DCC: variants seen among roughly 807,000 people sequenced by gnomAD.
The protein encoded by DCC is DCC netrin 1 receptor, also known as netrin receptor DCC.
DCC carries 58 observed loss-of-function variants against 172.5 expected under a neutral mutation model. The observed-to-expected ratio is 0.34, with a 90% CI of 0.27 to 0.42. The LOEUF is 0.42. DCC is among the 10% of genes least tolerant of loss of function. The pLI is 1.00. For missense variants in DCC, 1,740 were observed against 1,791.0 expected (o/e 0.97, Z 0.51); for synonymous variants, 709 against 644.5 (o/e 1.10, Z -1.52).
intron 1 of DCC, among the ~76,000 whole-genome samples, chr18:52,734,530 A>T (rs1437030746): frequency 6.6e-6 from 1 of 152,132 alleles, no homozygotes; most frequent in Non-Finnish European, 1.5e-5. Context: ...AGGAGATGTT[A>T]TCTTGTATCC....
At chr18:52,673,939 A>C (rs1031472305) in intron 1 of DCC, among the ~76,000 whole-genome samples, 19 of 152,166 alleles carry the variant, frequency 1.2e-4, no homozygotes, top group Admixed American at 3.9e-4. Flanking sequence ...CTACAATAGC[A>C]ATGGGTAGGC....
chr18:52,846,772 A>C lies in DCC; in HGVS notation c.413-59272A>C, dbSNP rs549594006. On this transcript the variant is annotated intron_variant, in intron 2 of 28. Coordinates refer to ENST00000442544, the MANE Select transcript of DCC (RefSeq NM_005215.4). ...GGAGAATGTTGATGACTGAGCTTCA[A>C]CTGGAAAAAGTAGTGGTGGAGAAAG... is the stretch of plus-strand genomic sequence containing the variant. 1.3e-5 allele frequency among the ~76,000 whole-genome samples: 2 copies of C among 152,246 alleles called. 1 individual carries two copies.
intron 7 of DCC, among the ~76,000 whole-genome samples, chr18:53,123,596 ATG>A (rs1315573233): frequency 6.6e-6 from 1 of 151,994 alleles, no homozygotes; most frequent in Admixed American, 6.6e-5. Context: ...CCTAGTTGTA[ATG>A]TGTTTTTAAG....
At chr18:52,631,307 A>T (rs953609116) in intron 1 of DCC, among the ~76,000 whole-genome samples, 1 of 152,240 alleles carries the variant, frequency 6.6e-6, no homozygotes, top group African/African-American at 2.4e-5. Flanking sequence ...GAAAGAAAAA[A>T]AAATAAAAAA....
Position 52,855,508 on chromosome 18 carries a change from CAT to C in DCC, c.413-50534_413-50533del, listed in dbSNP as rs1277837979. On this transcript the variant is annotated intron_variant, in intron 2 of 28. Coordinates refer to ENST00000442544, the MANE Select transcript of DCC (RefSeq NM_005215.4). Reference sequence around the variant, plus strand: ...CGTGATGTGGTACAAAGACTACACACATACTTTGGAAACAATAGTTGCAAGTT... The same window carrying C: ...CGTGATGTGGTACAAAGACTACACACACTTTGGAAACAATAGTTGCAAGTT... 9.2e-5 allele frequency among the ~76,000 whole-genome samples: 14 copies of C among 152,306 alleles called. 1 individual carries two copies. The South Asian group carries it at 2.9e-3, about 32-fold the overall frequency.
At chr18:53,025,344 G>A (rs939023514) in intron 5 of DCC, among the ~76,000 whole-genome samples, 1 of 152,112 alleles carries the variant, frequency 6.6e-6, no homozygotes, top group African/African-American at 2.4e-5. Flanking sequence ...GTAGGTTAAC[G>A]GGGTAGATTT....
chr18:52,508,631 T>A (rs1473479934), intron 1 of DCC, among the ~76,000 whole-genome samples: 1 of 152,198 alleles, frequency 6.6e-6, no homozygotes, highest in East Asian at 1.9e-4. Flanking sequence ...CAGGAAGTGT[T>A]CAGATTTAGA....
intron 1 of DCC, among the ~76,000 whole-genome samples, chr18:52,495,280 G>C (rs565404057): frequency 1.6e-4 from 25 of 152,200 alleles, no homozygotes; most frequent in African/African-American, 6.0e-4. Context: ...CCTCTTTTAA[G>C]TGGGATCCTG....
intron 12 of DCC, among the ~76,000 whole-genome samples, chr18:53,226,081 C>A (rs760721812): frequency 6.6e-6 from 1 of 152,130 alleles, no homozygotes; most frequent in Non-Finnish European, 1.5e-5. Flanking sequence ...AGATAATATG[C>A]CCCAGTGTCA....
intron 5 of DCC, among the ~76,000 whole-genome samples, chr18:52,937,527 G>A (rs2040398214): frequency 6.6e-6 from 1 of 151,998 alleles, no homozygotes; most frequent in Non-Finnish European, 1.5e-5. Flanking sequence ...GACTTTATTT[G>A]GTGAGACAAG....
At chr18:52,542,484 T>C (rs2032488078) in intron 1 of DCC, among the ~76,000 whole-genome samples, 2 of 152,072 alleles carry the variant, frequency 1.3e-5, no homozygotes, top group South Asian at 4.1e-4. Flanking sequence ...CCATCAAACA[T>C]TGTAATGAAT....
chr18:53,312,152 A>C (rs12605991), intron 13 of DCC, among the ~76,000 whole-genome samples: 1 of 88,534 alleles, frequency 1.1e-5, no homozygotes, highest in Non-Finnish European at 2.1e-5. Context: ...TGCTAAAAAT[A>C]CAAAAAAAAA....
intron 20 of DCC, among the ~76,000 whole-genome samples, chr18:53,412,180 A>G (rs1417454443): frequency 6.6e-6 from 1 of 152,190 alleles, no homozygotes; most frequent in Admixed American, 6.5e-5. Flanking sequence ...AAGTTCAGGA[A>G]TTTGTTCTAT....
intron 1 of DCC, among the ~76,000 whole-genome samples, chr18:52,558,813 A>C (rs2032973637): frequency 6.6e-6 from 1 of 152,208 alleles, no homozygotes; most frequent in Non-Finnish European, 1.5e-5. Context: ...TCTAGTGATG[A>C]ATAGGCTCAT....
Position 53,141,461 on chromosome 18 carries a change from G to A in DCC, c.1262-15895G>A, listed in dbSNP as rs138730341. On this transcript the variant is annotated intron_variant, in intron 7 of 28. Coordinates refer to ENST00000442544, the MANE Select transcript of DCC (RefSeq NM_005215.4). The stretch of plus-strand genomic sequence containing the variant: ...AGGCAAAAAAGTTGAAACTGCTAGC[G>A]AAATGGGTTTCCCAGATTAGCCAGA... 8.5e-3 allele frequency among the ~76,000 whole-genome samples: 1,288 copies of A among 152,256 alleles called. 22 individuals carry two copies. The highest frequency in any genetic ancestry group is 0.03 in the African/African-American group (1,238 of 41,548).
intron 19 of DCC, among the ~76,000 whole-genome samples, chr18:53,407,899 TTATC>T (rs1909768148): frequency 6.6e-6 from 1 of 152,138 alleles, no homozygotes; most frequent in African/African-American, 2.4e-5. Context: ...AACAACTCCT[TTATC>T]AAACGATATT....
intron 24 of DCC, among the ~76,000 whole-genome samples, chr18:53,463,822 A>G (rs957500307): frequency 3.9e-5 from 6 of 152,210 alleles, no homozygotes; most frequent in Non-Finnish European, 7.4e-5. Context: ...CGCCCATGAA[A>G]TTAGCTTTTT....
At chr18:52,747,241 C>T (rs2036920683) in intron 1 of DCC, among the ~76,000 whole-genome samples, 1 of 152,002 alleles carries the variant, frequency 6.6e-6, no homozygotes, top group South Asian at 2.1e-4. Flanking sequence ...TATTTCTCCA[C>T]AATATATTAT....
chr18:53,215,605 G>T lies in DCC; in HGVS notation c.1911+8G>T. The T allele has an allele frequency of 6.2e-7, 1 of 1,610,856 alleles. No individual in the cohort carries two copies. Among genetic ancestry groups the T allele is most frequent in the Non-Finnish European group, 8.5e-7 (1 of 1,177,146 alleles). ...GAAGTGGTCAATTCAAGAGTAAGTT[G>T]GCTAAATGTTCACTACTCCATTACC... On this transcript the variant is annotated splice_region_variant and intron_variant, in intron 12 of 28. Transcript: ENST00000442544.
Sources: allele counts gnomAD v4.1 joint callset (sites outside exome capture counted in the v4.1 genomes callset), GRCh38; gene constraint gnomAD v4.1.1; transcripts MANE v1.5; gene names NCBI Gene and HGNC (gene_info 2026-07-23, HGNC 2026-07-21).